BCAS4: variants seen among roughly 807,000 people sequenced by gnomAD.
BCAS4 encodes the protein breast carcinoma-amplified sequence 4.
A neutral mutation model predicts 15.7 loss-of-function variants in BCAS4; 9 were observed. That is an observed-to-expected ratio of 0.57 (90% confidence interval 0.34 to 1.00). The LOEUF (loss-of-function observed/expected upper bound fraction) is 1.00, where lower values mean the gene tolerates loss of function less well. Among genes scored for constraint, BCAS4 ranks in the 50% least tolerant of loss-of-function variants. BCAS4 has a pLI of 0.02. For synonymous variants in BCAS4, 101 were observed against 99.5 expected, an observed-to-expected ratio of 1.02 and a Z score of -0.09; for missense variants, 225 against 239.1, an observed-to-expected ratio of 0.94 and a Z score of 0.39.
chr20:50,817,924 C>T (rs1015790888), intron 1 of BCAS4, among the ~76,000 whole-genome samples: 3 of 151,962 alleles, frequency 2.0e-5, no homozygotes, highest in Non-Finnish European at 4.4e-5. Flanking sequence ...ATCTGTACAA[C>T]GTGGAGGATA....
At chr20:50,876,130 T>C (rs992174073) in intron 4 of BCAS4, 5 of 413,102 alleles carry the variant, frequency 1.2e-5, no homozygotes, top group African/African-American at 8.3e-5. Flanking sequence ...TCTGTATTTT[T>C]AGTAGAGACA....
intron 4 of BCAS4, among the ~76,000 whole-genome samples, chr20:50,861,717 G>C (rs1291222766): frequency 6.6e-6 from 1 of 151,920 alleles, no homozygotes; most frequent in South Asian, 2.1e-4. Context: ...CCTTTCCCCA[G>C]CCTGGCCGCT....
intron 3 of BCAS4, among the ~76,000 whole-genome samples, chr20:50,835,368 C>T (rs1283632149): frequency 6.6e-6 from 1 of 151,764 alleles, no homozygotes; most frequent in African/African-American, 2.4e-5. Context: ...CCTCAGCCTC[C>T]CAAGTAGCTG....
intron 4 of BCAS4, among the ~76,000 whole-genome samples, chr20:50,872,179 G>A (rs942674726): frequency 5.4e-5 from 8 of 147,042 alleles, no homozygotes; most frequent in African/African-American, 1.8e-4. Context: ...CAGGAGACTC[G>A]CTTGAACCCG....
intron 1 of BCAS4, among the ~76,000 whole-genome samples, chr20:50,812,364 A>T (rs912842796): frequency 4.0e-5 from 6 of 148,952 alleles, no homozygotes; most frequent in African/African-American, 1.0e-4. Context: ...CGATCTCCTG[A>T]CGTTGTGATC....
chr20:50,859,510 A>G (rs1192758531), intron 4 of BCAS4, among the ~76,000 whole-genome samples: 1 of 140,878 alleles, frequency 7.1e-6, no homozygotes, highest in African/African-American at 2.9e-5. Context: ...TGGGGAGGTG[A>G]CTTGAGAGCC....
chr20:50,867,594 G>A (rs1375446996), intron 4 of BCAS4, among the ~76,000 whole-genome samples: 2 of 152,138 alleles, frequency 1.3e-5, no homozygotes. Flanking sequence ...CTGCACTCAA[G>A]GGATCCTCCT....
rs559936349 is a variant in BCAS4 at position 50,822,574 on chromosome 20, G to C, written c.162+4292G>C. The stretch of plus-strand genomic sequence containing the variant: ...TAGAGCAACGAAGCTCTCATACATT[G>C]CTGGTAGAAATGCAAAAAAAACTAC... On this transcript the variant is annotated intron_variant, in intron 2 of 4. Transcript: ENST00000371608. 2.6e-5 allele frequency among the ~76,000 whole-genome samples: 4 copies of C among 151,674 alleles called. No homozygotes were observed. In the East Asian group the frequency reaches 7.8e-4, roughly 29 times the overall value.
chr20:50,813,674 C>CTTTTTTTTTTT (rs965295871), intron 1 of BCAS4, among the ~76,000 whole-genome samples: 1 of 82,390 alleles, frequency 1.2e-5, no homozygotes, highest in Non-Finnish European at 2.1e-5. Context: ...GGTGGAGGAC[C>CTTTTTTTTTTT]TTTTTTTTTT....
At chr20:50,875,070 A>G (rs116226787) in intron 4 of BCAS4, among the ~76,000 whole-genome samples, 4,290 of 152,256 alleles carry the variant, frequency 0.028, 195 homozygotes, top group African/African-American at 0.093. Flanking sequence ...CGTGGTCCTT[A>G]CAACCTGGAC....
intron 4 of BCAS4, among the ~76,000 whole-genome samples, chr20:50,842,553 G>A (rs1284027581): frequency 1.3e-5 from 2 of 152,128 alleles, no homozygotes; most frequent in Non-Finnish European, 1.5e-5. Flanking sequence ...AGGTAGCTGG[G>A]ATTACAGGTG....
intron 4 of BCAS4, among the ~76,000 whole-genome samples, chr20:50,853,515 C>T (rs142183890): frequency 1.3e-3 from 200 of 152,164 alleles, no homozygotes; most frequent in Middle Eastern, 6.8e-3. Context: ...CGCAGCTCCT[C>T]GTATCATAAT....
intron 4 of BCAS4, among the ~76,000 whole-genome samples, chr20:50,844,988 C>T (rs2088526317): frequency 6.6e-6 from 1 of 152,074 alleles, no homozygotes. Flanking sequence ...GTGTGCAGAC[C>T]TGAAGGCTCC....
At chr20:50,800,871 T>C (rs2087919230) in intron 1 of BCAS4, among the ~76,000 whole-genome samples, 1 of 152,042 alleles carries the variant, frequency 6.6e-6, no homozygotes, top group South Asian at 2.1e-4. Flanking sequence ...GAACTTTTGA[T>C]TTTTCTATAG....
intron 1 of BCAS4, among the ~76,000 whole-genome samples, chr20:50,812,621 G>A (rs570438929): frequency 6.6e-6 from 1 of 151,664 alleles, no homozygotes; most frequent in Non-Finnish European, 1.5e-5. Context: ...TGTAGTTTTA[G>A]TAGAGAGGGG....
chr20:50,808,158 CG>C (rs1569018885), intron 1 of BCAS4, among the ~76,000 whole-genome samples: 1 of 151,900 alleles, frequency 6.6e-6, no homozygotes, highest in African/African-American at 2.4e-5. Flanking sequence ...GTGATCCGCC[CG>C]CCTTGGCCTC....
intron 4 of BCAS4, 63 bp downstream of exon 4, chr20:50,841,963 C>T (rs750554818): frequency 3.3e-5 from 49 of 1,490,964 alleles, no homozygotes; most frequent in South Asian, 4.1e-5. Flanking sequence ...CAGACCCCAG[C>T]GTGGGGAGGA....
In BCAS4 at chr20:50,876,490, C is replaced by A; in HGVS notation, c.404C>A (p.Ser135Ter). Residue 135 changes from serine (S) to a stop codon, truncating the protein, a stop_gained, in exon 5 of 5, where the codon TCA (serine) becomes TAA (stop). Coordinates refer to ENST00000371608, the MANE Select transcript of BCAS4 (RefSeq NM_198799.4). LOFTEE classifies it low-confidence loss of function (END_TRUNC). The part of the protein sequence containing the change: ...SAGLPSFRNK[S>*]PAPVPVTYEL... ...CTTCATTTCTTGTCATTCCAGAAGT[C>A]ACCTGCACCGGTGCCCGTGACGTAC... 6.2e-7 allele frequency: 1 copy of A among 1,613,438 alleles called. No individual in the cohort carries two copies. The highest frequency in any genetic ancestry group is 1.1e-5 in the South Asian group (1 of 90,966).
chr20:50,870,349 G>A (rs1428773438), intron 4 of BCAS4, among the ~76,000 whole-genome samples: 2 of 152,194 alleles, frequency 1.3e-5, no homozygotes, highest in African/African-American at 4.8e-5. Flanking sequence ...CAGGGCAAAC[G>A]GAGGCCCTGA....
Sources: gnomAD v4.1 joint callset for allele counts (sites outside exome capture counted in the v4.1 genomes callset) on GRCh38, gnomAD v4.1.1 for gene constraint, MANE v1.5 for transcripts, NCBI Gene and HGNC (gene_info 2026-07-23, HGNC 2026-07-21) for gene names.